The following PRKCE variants were observed in gnomAD, a reference collection of about 807,000 sequenced individuals.
PRKCE encodes protein kinase C epsilon, also known as protein kinase C epsilon type.
In PRKCE, 16 loss-of-function variants were observed where a neutral mutation model predicts 85.4. That is an observed-to-expected ratio of 0.19 (90% confidence interval 0.13 to 0.28). PRKCE has a LOEUF of 0.28. PRKCE is among the 10% of genes least tolerant of loss of function. The pLI, the probability that PRKCE is intolerant of heterozygous loss-of-function variation, is 1.00. For missense variants in PRKCE, 573 were observed against 975.2 expected, an observed-to-expected ratio of 0.59 and a Z score of 5.49; for synonymous variants, 388 against 371.5, an observed-to-expected ratio of 1.04 and a Z score of -0.51.
intron 11 of PRKCE, among the ~76,000 whole-genome samples, chr2:46,126,651 G>A (rs1253948646): frequency 6.6e-6 from 1 of 152,128 alleles, no homozygotes. Flanking sequence ...GCTTTTCCTG[G>A]TGGTAATTCT....
intron 2 of PRKCE, among the ~76,000 whole-genome samples, chr2:45,851,392 A>G (rs1398056645): frequency 1.3e-5 from 2 of 152,222 alleles, no homozygotes. Context: ...AATAATAGAA[A>G]CAGAAATTCC....
intron 1 of PRKCE, among the ~76,000 whole-genome samples, chr2:45,738,035 T>G (rs1682233364): frequency 6.6e-6 from 1 of 152,076 alleles, no homozygotes; most frequent in South Asian, 2.1e-4. Context: ...TATGCCAGCG[T>G]CCTCCTCTCC....
At chr2:45,877,063 A>C (rs1694530980) in intron 2 of PRKCE, among the ~76,000 whole-genome samples, 2 of 151,206 alleles carry the variant, frequency 1.3e-5, no homozygotes, top group South Asian at 4.2e-4. Flanking sequence ...GGATAATATA[A>C]CCACCTTTTA....
chr2:45,888,905 A>G (rs1695501285), intron 2 of PRKCE, among the ~76,000 whole-genome samples: 2 of 151,020 alleles, frequency 1.3e-5, no homozygotes, highest in East Asian at 3.9e-4. Flanking sequence ...CTGCCCTTCA[A>G]GGAGAATCAA....
chr2:45,982,653 C>T (rs978506151), intron 5 of PRKCE, among the ~76,000 whole-genome samples: 2 of 152,180 alleles, frequency 1.3e-5, no homozygotes, highest in Non-Finnish European at 2.9e-5. Flanking sequence ...CCTCAGCAAG[C>T]GCACATGTGA....
Position 46,010,649 on chromosome 2 carries a change from A to G in PRKCE, c.1437+132A>G, listed in dbSNP as rs540466844. 13 of 1,599,224 alleles carry G rather than the reference A, an allele frequency of 8.1e-6. No individual in the cohort carries two copies. In the African/African-American group the frequency reaches 1.3e-4, roughly 16 times the overall value. The stretch of plus-strand genomic sequence containing the variant: ...TGGGATGGGTTTTACCCTTGAAAAG[A>G]TCAGGATGTATTTGAACAGCATCTT... On this transcript the variant is annotated intron_variant, in intron 10 of 14. Coordinates refer to ENST00000306156, the MANE Select transcript of PRKCE (RefSeq NM_005400.3).
intron 1 of PRKCE, among the ~76,000 whole-genome samples, chr2:45,782,768 C>T (rs774291709): frequency 1.3e-5 from 2 of 152,042 alleles, no homozygotes; most frequent in Non-Finnish European, 2.9e-5. Flanking sequence ...TATACACACA[C>T]ATACACACAC....
At chr2:45,770,139 G>A (rs1685199537) in intron 1 of PRKCE, among the ~76,000 whole-genome samples, 1 of 152,214 alleles carries the variant, frequency 6.6e-6, no homozygotes, top group Non-Finnish European at 1.5e-5. Flanking sequence ...GGGTGCTATT[G>A]GAGTAGTGTA....
chr2:46,036,671 C>T (rs1707884689), intron 10 of PRKCE, among the ~76,000 whole-genome samples: 1 of 152,114 alleles, frequency 6.6e-6, no homozygotes, highest in African/African-American at 2.4e-5. Flanking sequence ...TCAAAACTCT[C>T]AGAGGGGAGG....
At chr2:46,061,646 G>C (rs940845265) in intron 10 of PRKCE, among the ~76,000 whole-genome samples, 2 of 151,930 alleles carry the variant, frequency 1.3e-5, no homozygotes, top group African/African-American at 4.8e-5. Context: ...AGTGAGCTGG[G>C]GGCCAACCCC....
chr2:45,751,087 C>T (rs374427425), intron 1 of PRKCE, among the ~76,000 whole-genome samples: 2 of 152,288 alleles, frequency 1.3e-5, no homozygotes, highest in East Asian at 1.9e-4. Context: ...GTTCCCCAAG[C>T]CCCCTGGGCC....
intron 1 of PRKCE, among the ~76,000 whole-genome samples, chr2:45,756,901 G>A (rs75678424): frequency 0.013 from 2,001 of 152,272 alleles, 23 homozygotes; most frequent in Non-Finnish European, 0.018. Flanking sequence ...TCTTGATTAT[G>A]TGATGGTTTC....
intron 2 of PRKCE, among the ~76,000 whole-genome samples, chr2:45,952,420 A>G (rs532448899): frequency 3.9e-4 from 60 of 152,318 alleles, no homozygotes; most frequent in African/African-American, 1.3e-3. Context: ...TGAATTTTAA[A>G]CCAATAAAAC....
intron 2 of PRKCE, among the ~76,000 whole-genome samples, chr2:45,955,854 T>A (rs1700939682): frequency 6.6e-6 from 1 of 152,170 alleles, no homozygotes; most frequent in African/African-American, 2.4e-5. Context: ...AGCATATAGT[T>A]ATTTGAGTTT....
At chr2:46,048,153 A>G (rs977493101) in intron 10 of PRKCE, among the ~76,000 whole-genome samples, 1 of 149,576 alleles carries the variant, frequency 6.7e-6, no homozygotes, top group Non-Finnish European at 1.5e-5. Context: ...TGACTTGCTT[A>G]TGGGCACTTA....
At chr2:45,926,002 GC>G (rs1418287259) in intron 2 of PRKCE, among the ~76,000 whole-genome samples, 1 of 152,236 alleles carries the variant, frequency 6.6e-6, no homozygotes, top group Non-Finnish European at 1.5e-5. Flanking sequence ...ATTCAGTGGG[GC>G]TGAATATTCG....
intron 2 of PRKCE, among the ~76,000 whole-genome samples, chr2:45,933,349 T>C (rs982789800): frequency 5.9e-5 from 9 of 152,188 alleles, no homozygotes; most frequent in Non-Finnish European, 1.3e-4. Flanking sequence ...ATTTTCTTTA[T>C]GGTTTGACCT....
chr2:46,074,896 C>T (rs888091634), intron 10 of PRKCE, among the ~76,000 whole-genome samples: 2 of 152,202 alleles, frequency 1.3e-5, no homozygotes, highest in Non-Finnish European at 2.9e-5. Flanking sequence ...GGCAGAGTCT[C>T]ATGCAGTCCC....
chr2:45,756,317 C>T (rs1361358758), intron 1 of PRKCE, among the ~76,000 whole-genome samples: 1 of 152,164 alleles, frequency 6.6e-6, no homozygotes, highest in Non-Finnish European at 1.5e-5. Context: ...TGCTCCCAGG[C>T]TCTAGGGGTT....
Sources: gnomAD v4.1 joint callset for allele counts (sites outside exome capture counted in the v4.1 genomes callset) on GRCh38, gnomAD v4.1.1 for gene constraint, MANE v1.5 for transcripts, NCBI Gene and HGNC (gene_info 2026-07-23, HGNC 2026-07-21) for gene names.